The following MEGF6 variants were observed in gnomAD, a reference collection of about 807,000 sequenced individuals.
MEGF6 encodes the protein multiple EGF like domains 6.
Under a neutral mutation model 207.1 loss-of-function variants are expected in MEGF6, and 184 were observed. The observed-to-expected ratio is 0.89, with a 90% confidence interval of 0.79 to 1.00. MEGF6 has a LOEUF of 1.00. Ranked by LOEUF, MEGF6 falls within the 50% of genes least tolerant of loss-of-function variation. The pLI, the probability that MEGF6 is intolerant of heterozygous loss-of-function variation, is 0.00. For missense variants in MEGF6, 2,282 were observed against 2,202.9 expected (o/e 1.04, Z -0.72); for synonymous variants, 1,038 against 910.0 (o/e 1.14, Z -2.53).
At chr1:3,599,920 A>T (rs1184531075) in intron 2 of MEGF6, among the ~76,000 whole-genome samples, 1 of 152,180 alleles carries the variant, frequency 6.6e-6, no homozygotes, top group East Asian at 1.9e-4. Context: ...CCCCAGGCCC[A>T]GGAAATACTG....
chr1:3,529,616 G>A (rs764621936), intron 4 of MEGF6, among the ~76,000 whole-genome samples: 5 of 152,348 alleles, frequency 3.3e-5, no homozygotes, highest in Admixed American at 6.5e-5. Flanking sequence ...ACAGCGACAC[G>A]GCTGTGCCAA....
At position 3,530,996 on chromosome 1, in the gene MEGF6, A is replaced by C. The variant is rs1204118708; in HGVS notation, c.482-6750T>G. The C allele has an allele frequency of 4.3e-6, 6 of 1,396,790 alleles. No homozygotes were observed. The East Asian group carries it at 1.8e-4, about 42-fold the overall frequency. 86.5% of individuals were successfully genotyped at this position (1,396,790 alleles called of 1,614,324 possible). ...AGCCTAGCAGGCAGCGCCCTGGCGCAAACTTTAAAAACAGGAAACAAAGGG... is the reference window on the plus strand; with the variant it reads ...AGCCTAGCAGGCAGCGCCCTGGCGCCAACTTTAAAAACAGGAAACAAAGGG... On this transcript the variant is annotated intron_variant, in intron 4 of 36. Transcript: ENST00000356575.
chr1:3,505,807 C>T (rs968824751), intron 15 of MEGF6, among the ~76,000 whole-genome samples: 2 of 152,238 alleles, frequency 1.3e-5, no homozygotes, highest in Non-Finnish European at 2.9e-5. Flanking sequence ...CCTCATCCCC[C>T]GGAGGCTTCT....
At chr1:3,571,102 CAGAG>C (rs1324299353) in intron 4 of MEGF6, among the ~76,000 whole-genome samples, 1 of 152,142 alleles carries the variant, frequency 6.6e-6, no homozygotes, top group Non-Finnish European at 1.5e-5. Flanking sequence ...GAGCAGGACA[CAGAG>C]AGAGGGTCTG....
intron 4 of MEGF6, among the ~76,000 whole-genome samples, chr1:3,571,601 G>A: frequency 6.6e-6 from 1 of 151,846 alleles, no homozygotes; most frequent in Non-Finnish European, 1.5e-5. Context: ...TCCTGCATAT[G>A]CTGGGTCATT....
intron 17 of MEGF6, among the ~76,000 whole-genome samples, chr1:3,503,530 C>T (rs535075205): frequency 3.9e-5 from 6 of 151,954 alleles, no homozygotes; most frequent in East Asian, 3.9e-4. Flanking sequence ...CTGGGGGCTC[C>T]GGGAGTGGTG....
chr1:3,595,679 C>T (rs1023696034), intron 2 of MEGF6, among the ~76,000 whole-genome samples: 2 of 152,184 alleles, frequency 1.3e-5, no homozygotes, highest in Non-Finnish European at 1.5e-5. Context: ...ACAGTGGCCT[C>T]GTGCTGCATG....
chr1:3,494,247 C>G, intron 32 of MEGF6, 123 bp from the exon 33 acceptor site: 2 of 1,467,138 alleles, frequency 1.4e-6, no homozygotes, highest in Non-Finnish European at 1.8e-6. Flanking sequence ...CCGTCCTCGT[C>G]CCTCCCCACT....
rs1449296452 is a variant in MEGF6 at position 3,565,371 on chromosome 1, C to A, written c.481+14454G>T. On this transcript the variant is annotated intron_variant, in intron 4 of 36. Transcript: ENST00000356575. This position sits in a 1 kb window ranked among gnomAD's most constrained non-coding sequence, Gnocchi z 4.8. Reference sequence around the variant, plus strand: ...CCCTTCCTAGCTGGACCTTAAAACCCCCCGGGTCCTGGTGCCTGCTCTGGC... The same window carrying A: ...CCCTTCCTAGCTGGACCTTAAAACCACCCGGGTCCTGGTGCCTGCTCTGGC... Among the ~76,000 whole-genome samples the A allele has an allele frequency of 2.0e-5, 3 of 151,710 alleles. No homozygotes were observed. The highest frequency in any genetic ancestry group is 1.5e-5 in the Non-Finnish European group (1 of 68,022).
chr1:3,531,170 C>A (rs968967052), intron 4 of MEGF6: 3 of 1,523,550 alleles, frequency 2.0e-6, no homozygotes, highest in Non-Finnish European at 2.6e-6. Flanking sequence ...TAGTGCGTGC[C>A]CGCGACGCGC....
At chr1:3,508,113 C>A (rs891804333) in intron 13 of MEGF6, among the ~76,000 whole-genome samples, 190 bp from the exon 14 acceptor site, 3 of 152,144 alleles carry the variant, frequency 2.0e-5, no homozygotes, top group African/African-American at 7.2e-5. Context: ...TCTCTGAACA[C>A]CAGCAGAGAG....
the MEGF6 span, among the ~76,000 whole-genome samples, chr1:3,618,536 G>A: frequency 6.6e-6 from 1 of 152,172 alleles, no homozygotes; most frequent in Non-Finnish European, 1.5e-5. The surrounding 1 kb of genome is among the most constrained non-coding windows in gnomAD (Gnocchi z 4.7). Context: ...AGAACTGCAC[G>A]AGAATGACAC....
intron 4 of MEGF6, among the ~76,000 whole-genome samples, chr1:3,547,540 C>T (rs1642753322): frequency 6.6e-6 from 1 of 152,186 alleles, no homozygotes; most frequent in South Asian, 2.1e-4. Flanking sequence ...CTTCCCTTGG[C>T]TCTGAGGCCA....
At chr1:3,616,794 C>T in the MEGF6 span, among the ~76,000 whole-genome samples, 6 of 152,300 alleles carry the variant, frequency 3.9e-5, no homozygotes, top group African/African-American at 9.6e-5. Flanking sequence ...CCAAGCGTGG[C>T]GGGGGAGAAC....
chr1:3,509,847 T>C, intron 11 of MEGF6, 23 bp downstream of exon 11: 2 of 1,535,728 alleles, frequency 1.3e-6, no homozygotes, highest in Non-Finnish European at 1.8e-6. Flanking sequence ...AGGCCGGTGC[T>C]CCGCGGAGGG....
chr1:3,549,544 G>A (rs1402598016), intron 4 of MEGF6, among the ~76,000 whole-genome samples: 1 of 152,210 alleles, frequency 6.6e-6, no homozygotes, highest in Non-Finnish European at 1.5e-5. Flanking sequence ...TCATGCTCGG[G>A]TCTGGGCTGG....
At chr1:3,611,664 A>G (rs1437376422), upstream of MEGF6, among the ~76,000 whole-genome samples, 1 of 118,668 alleles carries the variant, frequency 8.4e-6, no homozygotes, top group East Asian at 3.0e-4. Context: ...CGCCCCCGGC[A>G]CGGCCCCTGT....
At chr1:3,581,760 G>A (rs974835643) in intron 3 of MEGF6, among the ~76,000 whole-genome samples, 3 of 152,138 alleles carry the variant, frequency 2.0e-5, no homozygotes, top group Non-Finnish European at 4.4e-5. Flanking sequence ...AGGACGGAAG[G>A]CAGGACCTGC....
the MEGF6 span, among the ~76,000 whole-genome samples, chr1:3,620,090 G>A: frequency 6.6e-6 from 1 of 152,204 alleles, no homozygotes; most frequent in Non-Finnish European, 1.5e-5. Flanking sequence ...GTGGAACTTT[G>A]AATTTGAGAG....
Sources: gnomAD v4.1 joint callset for allele counts (sites outside exome capture counted in the v4.1 genomes callset) on GRCh38, gnomAD v4.1.1 for gene constraint, Gnocchi (gnomAD v3.1) non-coding constraint, MANE v1.5 for transcripts, NCBI Gene and HGNC (gene_info 2026-07-23, HGNC 2026-07-21) for gene names.